The following KCNQ1 variants were observed in gnomAD, a reference collection of about 807,000 sequenced individuals.
KCNQ1 encodes the protein potassium voltage-gated channel subfamily KQT member 1.
A neutral mutation model predicts 72.4 loss-of-function variants in KCNQ1; 49 were observed. The observed-to-expected ratio is 0.68, with a 90% CI of 0.54 to 0.86. The LOEUF is 0.86. Ranked by LOEUF, KCNQ1 falls within the 40% of genes least tolerant of loss-of-function variation. The pLI, the probability that KCNQ1 is intolerant of heterozygous loss-of-function variation, is 0.00. For missense variants in KCNQ1, 790 were observed against 945.1 expected, an observed-to-expected ratio of 0.84 and a Z score of 2.15; for synonymous variants, 450 against 412.6, an observed-to-expected ratio of 1.09 and a Z score of -1.10.
At chr11:2,535,224 G>C (rs574311713) in intron 2 of KCNQ1, among the ~76,000 whole-genome samples, 1 of 152,318 alleles carries the variant, frequency 6.6e-6, no homozygotes, top group African/African-American at 2.4e-5. Flanking sequence ...GGCTTTGGGC[G>C]GGTAAGGGTA....
intron 11 of KCNQ1, chr11:2,667,784 C>T: frequency 2.5e-6 from 1 of 398,672 alleles, no homozygotes; most frequent in Non-Finnish European, 4.4e-6. Context: ...GGCTATCCAC[C>T]TAATTAGGCT....
chr11:2,797,379 G>A (rs575182187), intron 15 of KCNQ1, among the ~76,000 whole-genome samples: 4 of 152,214 alleles, frequency 2.6e-5, no homozygotes, highest in Non-Finnish European at 4.4e-5. Context: ...TGTGCCTGAC[G>A]GGGCCAGGAG....
In KCNQ1 at chr11:2,830,045, A is replaced by G. The variant is rs1479271146; in HGVS notation, c.1795-17722A>G. On this transcript the variant is annotated intron_variant, in intron 15 of 15. Coordinates refer to ENST00000155840, the MANE Select transcript of KCNQ1 (RefSeq NM_000218.3). The surrounding 1 kb of genome is among the most constrained non-coding windows in gnomAD (Gnocchi z 7.7). ...GAGGAGGAAGGAGGAGGGAGGAGGA[A>G]GGAGGAGGGAGGAGGGAGGAAGAGA... is the stretch of plus-strand genomic sequence containing the variant. 4.9e-5 allele frequency among the ~76,000 whole-genome samples: 7 copies of G among 142,204 alleles called. No homozygotes were observed. The highest frequency in any genetic ancestry group is 2.2e-4 in the East Asian group (1 of 4,516). The allele number at this position is 142,204 out of a possible 152,430, so 93.3% of individuals were successfully genotyped here.
At position 2,657,526 on chromosome 11, in the gene KCNQ1, C is replaced by G. The variant is rs779700352; in HGVS notation, c.1394-4435C>G. The G allele has an allele frequency of 2.5e-6, 1 of 398,394 alleles. No homozygotes were observed. The highest frequency in any genetic ancestry group is 4.4e-5 in the Admixed American group (1 of 22,704). 24.7% of individuals were successfully genotyped at this position (398,394 alleles called of 1,614,324 possible). ...TACAGAAGAGAAACAAAAATAGTAC[C>G]GAGTACCCACATCCCTTTCACCAGC... On this transcript the variant is annotated intron_variant, in intron 10 of 15. Transcript: ENST00000155840. The surrounding 1 kb of genome is among the most constrained non-coding windows in gnomAD (Gnocchi z 4.8).
At chr11:2,584,905 C>A (rs2133754085) in intron 7 of KCNQ1, among the ~76,000 whole-genome samples, 1 of 152,284 alleles carries the variant, frequency 6.6e-6, no homozygotes, top group Non-Finnish European at 1.5e-5. Flanking sequence ...CCAGTATGAC[C>A]CCTTCCTGGG....
In KCNQ1 at chr11:2,462,987, G is replaced by A. The variant is rs1217624949; in HGVS notation, c.386+17503G>A. Among the ~76,000 whole-genome samples the A allele has an allele frequency of 3.9e-5, 6 of 152,166 alleles. No homozygotes were observed. Among genetic ancestry groups the A allele is most frequent in the African/African-American group, 1.4e-4 (6 of 41,434 alleles). ...CTTGGGTGGAAGAGTCTTGGGTGAG[G>A]CCCCTGAACTGGTAAGCGGGGCAGC... On this transcript the variant is annotated intron_variant, in intron 1 of 15. Transcript: ENST00000155840. This position sits in a 1 kb window ranked among gnomAD's most constrained non-coding sequence, Gnocchi z 8.2.
chr11:2,476,358 C>T (rs994062318), intron 1 of KCNQ1, among the ~76,000 whole-genome samples: 3 of 152,044 alleles, frequency 2.0e-5, no homozygotes, highest in African/African-American at 7.2e-5. Flanking sequence ...AAAACATCAG[C>T]AATATTACTG....
chr11:2,455,225 G>A (rs1846170166), intron 1 of KCNQ1, among the ~76,000 whole-genome samples: 1 of 151,890 alleles, frequency 6.6e-6, no homozygotes, highest in Non-Finnish European at 1.5e-5. Context: ...AGCCTCCCAA[G>A]TAGCTGGGAC....
rs369879519 is a variant in KCNQ1 at position 2,592,068 on chromosome 11, G to C, written c.1393+3214G>C. On this transcript the variant is annotated intron_variant, in intron 10 of 15. Transcript: ENST00000155840. The surrounding 1 kb of genome is among the most constrained non-coding windows in gnomAD (Gnocchi z 5.2). ...TCAAACCCAGGCCTCGACCTTGTCT[G>C]GCTGTGCTTTCTGTTGTGTGAACCT... is the stretch of plus-strand genomic sequence containing the variant. Among the ~76,000 whole-genome samples, 1 of 152,278 alleles carries C rather than the reference G, an allele frequency of 6.6e-6. No individual in the cohort carries two copies. The highest frequency in any genetic ancestry group is 1.5e-5 in the Non-Finnish European group (1 of 68,052).
At chr11:2,737,573 C>T (rs540852845) in intron 11 of KCNQ1, among the ~76,000 whole-genome samples, 2 of 152,322 alleles carry the variant, frequency 1.3e-5, no homozygotes, top group African/African-American at 2.4e-5. Flanking sequence ...ATAAAAGTCT[C>T]CTAATTATAT....
At chr11:2,747,937 T>G (rs972172025) in intron 11 of KCNQ1, among the ~76,000 whole-genome samples, 2 of 152,126 alleles carry the variant, frequency 1.3e-5, no homozygotes, top group Non-Finnish European at 2.9e-5. Flanking sequence ...AAACAATCCC[T>G]CTGGCGTGAA....
rs1850516157 is a variant in KCNQ1 at position 2,687,779 on chromosome 11, CA to C, written c.1514+25699del. On this transcript the variant is annotated intron_variant, in intron 11 of 15. Coordinates refer to ENST00000155840, the MANE Select transcript of KCNQ1 (RefSeq NM_000218.3). This position sits in a 1 kb window ranked among gnomAD's most constrained non-coding sequence, Gnocchi z 5.0. ...AGAGGAGCCCCTTAGCAGGCCTAAC[CA>C]CACCCCTAAGCCACCCAGCCTGGCC... 1 of 398,682 alleles carries C rather than the reference CA, an allele frequency of 2.5e-6. No homozygotes were observed. The highest frequency in any genetic ancestry group is 4.4e-6 in the Non-Finnish European group (1 of 226,228). The allele number at this position is 398,682 out of a possible 1,614,324, so 24.7% of individuals were successfully genotyped here.
chr11:2,581,070 G>A (rs1050290487), intron 6 of KCNQ1, among the ~76,000 whole-genome samples: 3 of 152,232 alleles, frequency 2.0e-5, no homozygotes, highest in African/African-American at 7.2e-5. Flanking sequence ...CTGAAGGGGT[G>A]AGTGTCCCCC....
At chr11:2,546,945 T>G (rs1245046207) in intron 2 of KCNQ1, among the ~76,000 whole-genome samples, 1 of 152,244 alleles carries the variant, frequency 6.6e-6, no homozygotes, top group Non-Finnish European at 1.5e-5. Context: ...ATTGTTAGCA[T>G]GGTATATATT....
chr11:2,622,545 GTACT>G (rs906201066), intron 10 of KCNQ1: 1 of 398,210 alleles, frequency 2.5e-6, no homozygotes, highest in African/African-American at 2.1e-5. Context: ...TACATTTAAA[GTACT>G]TACTTATAAA....
At chr11:2,727,381 G>T (rs1040251316) in intron 11 of KCNQ1, among the ~76,000 whole-genome samples, 13 of 152,184 alleles carry the variant, frequency 8.5e-5, no homozygotes, top group Non-Finnish European at 1.9e-4. Flanking sequence ...GGCGCAGGAC[G>T]GCACCCAAGG....
rs868279676 is a variant in KCNQ1, at chr11:2,547,565, A to G, written c.477+19547A>G. 6.6e-6 allele frequency among the ~76,000 whole-genome samples: 1 copy of G among 152,178 alleles called. No homozygotes were observed. Among genetic ancestry groups the G allele is most frequent in the Non-Finnish European group, 1.5e-5 (1 of 68,036 alleles). On this transcript the variant is annotated intron_variant, in intron 2 of 15. Coordinates refer to ENST00000155840, the MANE Select transcript of KCNQ1 (RefSeq NM_000218.3). The surrounding 1 kb of genome is among the most constrained non-coding windows in gnomAD (Gnocchi z 4.2). The stretch of plus-strand genomic sequence containing the variant: ...TTTGTCCTAATAGTTACCTTTATAC[A>G]TATGCCTTTCAAAGTTTCCTTGGTC...
chr11:2,655,565 A>T (rs1590010174), intron 10 of KCNQ1: 1 of 398,642 alleles, frequency 2.5e-6, no homozygotes, highest in East Asian at 3.6e-5. Context: ...GCTGTGAAAT[A>T]CCCACTTCAG....
At chr11:2,836,066 C>T (rs1190325266) in intron 15 of KCNQ1, among the ~76,000 whole-genome samples, 3 of 144,396 alleles carry the variant, frequency 2.1e-5, no homozygotes, top group Non-Finnish European at 4.7e-5. Flanking sequence ...TGGGGTGCCC[C>T]GTGGCGTGGC....
Sources: allele counts gnomAD v4.1 joint callset (sites outside exome capture counted in the v4.1 genomes callset), GRCh38; gene constraint gnomAD v4.1.1; non-coding constraint Gnocchi (gnomAD v3.1); transcripts MANE v1.5; gene names NCBI Gene and HGNC (gene_info 2026-07-23, HGNC 2026-07-21).